The following UXS1 variants were observed in gnomAD, a reference collection of about 807,000 sequenced individuals.
UXS1 encodes the protein UDP-glucuronic acid decarboxylase 1.
A neutral mutation model predicts 62.6 loss-of-function variants in UXS1; 33 were observed. The ratio of observed to expected loss-of-function variants is 0.53; its 90% CI spans 0.40 to 0.70. The LOEUF (loss-of-function observed/expected upper bound fraction) is 0.70, where lower values mean the gene tolerates loss of function less well. UXS1 is among the 30% of genes least tolerant of loss of function. UXS1 has a pLI of 0.00. For missense variants in UXS1, 434 were observed against 556.3 expected, an observed-to-expected ratio of 0.78 and a Z score of 2.21; for synonymous variants, 213 against 206.8, an observed-to-expected ratio of 1.03 and a Z score of -0.26.
chr2:106,124,144 T>A (rs1679741517), intron 8 of UXS1, among the ~76,000 whole-genome samples: 1 of 152,222 alleles, frequency 6.6e-6, no homozygotes, highest in African/African-American at 2.4e-5. Flanking sequence ...AGGAAAATAC[T>A]TCCTGAGAGA....
At chr2:106,193,334 A>G (rs1333857419) in intron 1 of UXS1, among the ~76,000 whole-genome samples, 1 of 152,160 alleles carries the variant, frequency 6.6e-6, no homozygotes, top group Non-Finnish European at 1.5e-5. Context: ...GTAACGTATT[A>G]ATAGCATCAA....
chr2:106,148,308 T>A (rs1396817784), intron 5 of UXS1, among the ~76,000 whole-genome samples: 13 of 152,288 alleles, frequency 8.5e-5, no homozygotes, highest in Admixed American at 8.5e-4. Context: ...GATTTCATTT[T>A]ATCTTCACGT....
intron 10 of UXS1, among the ~76,000 whole-genome samples, chr2:106,105,106 C>T (rs942024391): frequency 4.6e-5 from 7 of 152,162 alleles, no homozygotes; most frequent in Admixed American, 2.0e-4. Flanking sequence ...TTCGCTTCTG[C>T]TGGAGTCTTA....
chr2:106,188,281 G>A (rs985828935), intron 1 of UXS1, among the ~76,000 whole-genome samples: 7 of 152,114 alleles, frequency 4.6e-5, no homozygotes, highest in Admixed American at 2.6e-4. Context: ...AAATGCTACT[G>A]GATAGGAAAA....
intron 6 of UXS1, 57 bp downstream of exon 6, chr2:106,145,133 C>A: frequency 6.4e-7 from 1 of 1,563,156 alleles, no homozygotes. Context: ...AATCCCGCAG[C>A]TCTGGCAAGG....
chr2:106,181,052 G>A (rs575289641), intron 1 of UXS1, among the ~76,000 whole-genome samples: 2 of 152,158 alleles, frequency 1.3e-5, no homozygotes, highest in Non-Finnish European at 2.9e-5. Flanking sequence ...CTGATGGAAC[G>A]AACAGATACA....
intron 11 of UXS1, chr2:106,101,363 T>TTA (rs1462140936): frequency 2.1e-6 from 1 of 472,066 alleles, no homozygotes; most frequent in Non-Finnish European, 3.7e-6. Context: ...GTGGAGATAG[T>TTA]TAAATAGGAT....
intron 11 of UXS1, among the ~76,000 whole-genome samples, chr2:106,104,306 A>G (rs189085078): frequency 6.6e-6 from 1 of 152,328 alleles, no homozygotes; most frequent in East Asian, 1.9e-4. Flanking sequence ...AATAAAAATC[A>G]CCACGTGAAT....
At chr2:106,096,925 G>A in intron 13 of UXS1, 104 bp from the exon 14 acceptor site, 1 of 1,110,744 alleles carries the variant, frequency 9.0e-7, no homozygotes, top group Non-Finnish European at 1.3e-6. Context: ...GGTGTGAATA[G>A]GGTGCAGGCG....
intron 1 of UXS1, among the ~76,000 whole-genome samples, chr2:106,176,743 G>A (rs1337355921): frequency 6.6e-6 from 1 of 152,216 alleles, no homozygotes; most frequent in Non-Finnish European, 1.5e-5. Context: ...TCAATCTGGG[G>A]TGCCTGAGCA....
At chr2:106,124,496 T>G (rs960068032) in intron 8 of UXS1, among the ~76,000 whole-genome samples, 27 of 152,242 alleles carry the variant, frequency 1.8e-4, no homozygotes, top group Admixed American at 1.8e-3. Flanking sequence ...GCTAAGACAC[T>G]AAGCAAATAC....
At chr2:106,113,132 A>G (rs1403941503) in intron 9 of UXS1, among the ~76,000 whole-genome samples, 1 of 152,244 alleles carries the variant, frequency 6.6e-6, no homozygotes, top group East Asian at 1.9e-4. Flanking sequence ...ATGCTTTTCT[A>G]ATCTTTTTCA....
At chr2:106,122,847 A>T (rs1679628426) in intron 9 of UXS1, 123 bp downstream of exon 9, 1 of 1,312,852 alleles carries the variant, frequency 7.6e-7, no homozygotes, top group South Asian at 1.5e-5. Context: ...TGGGAAACTG[A>T]GCTTCCCAAA....
chr2:106,137,793 C>A (rs1680779132), intron 6 of UXS1, among the ~76,000 whole-genome samples: 1 of 151,680 alleles, frequency 6.6e-6, no homozygotes, highest in African/African-American at 2.4e-5. Flanking sequence ...AAAACTCCGT[C>A]TCAAAAAAAT....
In UXS1 at chr2:106,170,702, G is replaced by A. The variant is rs73951239; in HGVS notation, c.95-4619C>T. Among the ~76,000 whole-genome samples, 273 of 152,260 alleles carry A rather than the reference G, an allele frequency of 1.8e-3. 2 individuals are homozygous for A. The highest frequency in any genetic ancestry group is 6.3e-3 in the African/African-American group (263 of 41,534). On this transcript the variant is annotated intron_variant, in intron 1 of 14. Transcript: ENST00000283148. Reference sequence around the variant, plus strand: ...ACAGCAAAGCAGGACAAACCCCCACGTTGCTGCACAGATTCCAAAGGGAAA... The same window carrying A: ...ACAGCAAAGCAGGACAAACCCCCACATTGCTGCACAGATTCCAAAGGGAAA...
rs1017119547 is a variant in UXS1 at position 106,171,009 on chromosome 2, T to G, written c.95-4926A>C. On this transcript the variant is annotated intron_variant, in intron 1 of 14. Coordinates refer to ENST00000283148, the MANE Select transcript of UXS1 (RefSeq NM_001253875.2). ...AAGTAAGTATTTTAAGAAAGATAATTATTCAGTTATTGACAAAGGGCTTAT... is the reference window on the plus strand; with the variant it reads ...AAGTAAGTATTTTAAGAAAGATAATGATTCAGTTATTGACAAAGGGCTTAT... Among the ~76,000 whole-genome samples the G allele has an allele frequency of 2.6e-5, 4 of 152,228 alleles. No individual in the cohort carries two copies. The East Asian group carries it at 7.7e-4, about 29-fold the overall frequency.
At chr2:106,158,005 G>A (rs772402905) in intron 5 of UXS1, 53 bp downstream of exon 5, 25 of 1,439,774 alleles carry the variant, frequency 1.7e-5, no homozygotes, top group East Asian at 9.9e-5. Context: ...ATCTCTCAAC[G>A]AAAAAAGAAA....
chr2:106,190,849 T>C (rs892577159), intron 1 of UXS1, among the ~76,000 whole-genome samples: 2 of 151,724 alleles, frequency 1.3e-5, no homozygotes, highest in African/African-American at 2.4e-5. Flanking sequence ...TTACACTATA[T>C]GCATGTTAAA....
At position 106,104,147 on chromosome 2, in the gene UXS1, T is replaced by C. The variant is rs58146476; in HGVS notation, c.923+647A>G. On this transcript the variant is annotated intron_variant, in intron 11 of 14. Transcript: ENST00000283148. ...CAGGATACCAGAAACTTTCACAGAA[T>C]TTACAATAGCCACATACTGGTGGAT... Among the ~76,000 whole-genome samples the C allele has an allele frequency of 4.7e-3, 713 of 152,264 alleles. 4 individuals are homozygous for C. Among genetic ancestry groups the C allele is most frequent in the African/African-American group, 0.016 (684 of 41,554 alleles).
Sources: gnomAD v4.1 joint callset for allele counts (sites outside exome capture counted in the v4.1 genomes callset) on GRCh38, gnomAD v4.1.1 for gene constraint, MANE v1.5 for transcripts, NCBI Gene and HGNC (gene_info 2026-07-23, HGNC 2026-07-21) for gene names.